Variants in DOCK4 observed in about 807,000 individuals in gnomAD.
DOCK4 encodes the protein dedicator of cytokinesis protein 4.
A neutral mutation model predicts 268.1 loss-of-function variants in DOCK4; 97 were observed. That is an observed-to-expected ratio of 0.36 (90% CI 0.31 to 0.43). The LOEUF (loss-of-function observed/expected upper bound fraction) is 0.43, where lower values mean the gene tolerates loss of function less well. DOCK4 is among the 20% of genes least tolerant of loss of function. The pLI is 1.00. For missense variants in DOCK4, 2,145 were observed against 2,455.7 expected, an observed-to-expected ratio of 0.87 and a Z score of 2.67; for synonymous variants, 954 against 887.2, an observed-to-expected ratio of 1.08 and a Z score of -1.34.
chr7:112,018,179 A>AAAAAAAAAAAAAAAAAAAAAACACAAC, intron 1 of DOCK4, among the ~76,000 whole-genome samples: 1 of 72,590 alleles, frequency 1.4e-5, no homozygotes, highest in East Asian at 4.0e-4. Flanking sequence ...AAAAAAAAAA[A>AAAAAAAAAAAAAAAAAAAAAACACAAC]ACACAGGCAA....
chr7:111,760,403 G>A, intron 39 of DOCK4, 81 bp from the exon 40 acceptor site: 1 of 1,425,632 alleles, frequency 7.0e-7, no homozygotes, highest in Non-Finnish European at 9.6e-7. Flanking sequence ...GACACTGGCA[G>A]TAACTGACCA....
At chr7:111,791,691 G>A (rs191363400) in intron 30 of DOCK4, among the ~76,000 whole-genome samples, 20 of 152,114 alleles carry the variant, frequency 1.3e-4, no homozygotes, top group Admixed American at 4.6e-4. Context: ...CATGTGATCC[G>A]CCCAGCTTGG....
chr7:112,178,698 C>T (rs1379384406), intron 1 of DOCK4, among the ~76,000 whole-genome samples: 1 of 152,162 alleles, frequency 6.6e-6, no homozygotes, highest in East Asian at 1.9e-4. Context: ...CAGCTAGTCA[C>T]ATGGAAATGA....
intron 8 of DOCK4, among the ~76,000 whole-genome samples, chr7:111,976,269 TTATATATATATATATATATATATATATA>T (rs60146972): frequency 0.21 from 6,803 of 33,126 alleles, 607 homozygotes; most frequent in Middle Eastern, 0.37. Context: ...TGTGTGTCTA[TTATATATATATATATATATATATATATA>T]TATATATATA....
chr7:111,783,312 G>C (rs1343751342), intron 34 of DOCK4, among the ~76,000 whole-genome samples: 2 of 151,684 alleles, frequency 1.3e-5, no homozygotes, highest in Non-Finnish European at 2.9e-5. Context: ...TGAGAATGAG[G>C]GTTTCATTCC....
chr7:111,999,252 G>A (rs1176304077), intron 3 of DOCK4, among the ~76,000 whole-genome samples: 1 of 152,016 alleles, frequency 6.6e-6, no homozygotes, highest in Non-Finnish European at 1.5e-5. Flanking sequence ...AAATATTTAA[G>A]AAAATAAATG....
At chr7:111,838,707 G>T (rs1302414949) in intron 25 of DOCK4, among the ~76,000 whole-genome samples, 1 of 152,120 alleles carries the variant, frequency 6.6e-6, no homozygotes, top group African/African-American at 2.4e-5. Flanking sequence ...TGGGGATGAG[G>T]TAGCATGGAG....
chr7:112,066,674 TAC>T (rs1483171415), intron 1 of DOCK4, among the ~76,000 whole-genome samples: 1,497 of 30,930 alleles, frequency 0.048, 227 homozygotes, highest in African/African-American at 0.19. Context: ...CATATACATA[TAC>T]ATATATACAT....
At chr7:111,928,586 C>CTTTTTTT (rs200976875) in intron 12 of DOCK4, among the ~76,000 whole-genome samples, 4 of 129,502 alleles carry the variant, frequency 3.1e-5, no homozygotes, top group African/African-American at 8.5e-5. Context: ...TTTTCTTTTT[C>CTTTTTTT]TTTTTTTTTT....
chr7:112,124,983 G>T (rs986467699), intron 1 of DOCK4, among the ~76,000 whole-genome samples: 2 of 152,076 alleles, frequency 1.3e-5, no homozygotes, highest in Non-Finnish European at 2.9e-5. Flanking sequence ...GTATCAAAAA[G>T]ATGTTTTCAT....
intron 1 of DOCK4, among the ~76,000 whole-genome samples, chr7:112,079,151 G>A (rs1808359966): frequency 6.6e-6 from 1 of 151,966 alleles, no homozygotes; most frequent in Admixed American, 6.6e-5. Context: ...AAATAAATAT[G>A]TAAGAATGAT....
intron 1 of DOCK4, among the ~76,000 whole-genome samples, chr7:112,195,333 G>A (rs1010383369): frequency 5.3e-5 from 8 of 152,158 alleles, no homozygotes; most frequent in Non-Finnish European, 1.0e-4. Context: ...TTTACTATGT[G>A]TGCAATTTTT....
At position 112,018,168 on chromosome 7, in the gene DOCK4, A is replaced by AC. The variant is rs1802001872; in HGVS notation, c.38-14038_38-14037insG. ...CAAAAAAAAAAAAAAAAAAAAAAAAAAAAAAAAAAAAACACAGGCAACCAG... is the reference window on the plus strand; with the variant it reads ...CAAAAAAAAAAAAAAAAAAAAAAAAACAAAAAAAAAAAACACAGGCAACCAG... On this transcript the variant is annotated intron_variant, in intron 1 of 52. Coordinates refer to ENST00000428084, the MANE Select transcript of DOCK4 (RefSeq NM_001363540.2). 4.9e-5 allele frequency among the ~76,000 whole-genome samples: 7 copies of AC among 143,848 alleles called. 1 individual carries two copies. The highest frequency in any genetic ancestry group is 1.8e-4 in the African/African-American group (7 of 38,418). 94.4% of individuals were successfully genotyped at this position (143,848 alleles called of 152,430 possible).
chr7:111,773,017 A>C (rs2133696462), intron 36 of DOCK4, among the ~76,000 whole-genome samples: 1 of 152,334 alleles, frequency 6.6e-6, no homozygotes, highest in East Asian at 1.9e-4. Flanking sequence ...ATGTGAAGAC[A>C]AATTACACCT....
At chr7:111,773,405 A>G (rs1238286554) in intron 36 of DOCK4, among the ~76,000 whole-genome samples, 2 of 152,240 alleles carry the variant, frequency 1.3e-5, no homozygotes, top group African/African-American at 4.8e-5. Context: ...CAAATTAAAG[A>G]AAAAAGATTA....
At chr7:111,994,513 C>T (rs1351247165) in intron 4 of DOCK4, among the ~76,000 whole-genome samples, 1 of 152,176 alleles carries the variant, frequency 6.6e-6, no homozygotes, top group Non-Finnish European at 1.5e-5. Context: ...CACGACTAGG[C>T]AGCAACTCAT....
At chr7:111,785,462 T>C (rs1799100862) in intron 32 of DOCK4, among the ~76,000 whole-genome samples, 1 of 152,228 alleles carries the variant, frequency 6.6e-6, no homozygotes, top group Non-Finnish European at 1.5e-5. Flanking sequence ...ACTTCTTTTA[T>C]GGGCATAAGT....
chr7:112,059,134 CTTTTTTTTTTT>C (rs572050793), intron 1 of DOCK4, among the ~76,000 whole-genome samples: 4 of 98,982 alleles, frequency 4.0e-5, no homozygotes, highest in Non-Finnish European at 7.1e-5. Context: ...GCAGCATTTC[CTTTTTTTTTTT>C]TTTTTTTTTT....
intron 1 of DOCK4, among the ~76,000 whole-genome samples, chr7:112,048,892 C>T (rs1395684859): frequency 6.6e-6 from 1 of 152,024 alleles, no homozygotes; most frequent in Non-Finnish European, 1.5e-5. Flanking sequence ...AGGTATTAAG[C>T]CCCACACGCA....
Sources: allele counts gnomAD v4.1 joint callset (sites outside exome capture counted in the v4.1 genomes callset), GRCh38; gene constraint gnomAD v4.1.1; transcripts MANE v1.5; gene names NCBI Gene and HGNC (gene_info 2026-07-23, HGNC 2026-07-21).